The following UGGT2 variants were observed in gnomAD, a reference collection of about 807,000 sequenced individuals.
The protein encoded by UGGT2 is UDP-glucose:glycoprotein glucosyltransferase 2.
UGGT2 carries 180 observed loss-of-function variants against 192.1 expected under a neutral mutation model. The ratio of observed to expected loss-of-function variants is 0.94; its 90% CI spans 0.83 to 1.06. The LOEUF is 1.06. Ranked by LOEUF, UGGT2 falls within the 50% of genes least tolerant of loss-of-function variation. The pLI is 0.00. For missense variants in UGGT2, 1,849 were observed against 1,795.7 expected (o/e 1.03, Z -0.54); for synonymous variants, 580 against 591.0 (o/e 0.98, Z 0.27).
intron 2 of UGGT2, 62 bp from the exon 3 acceptor site, chr13:96,023,821 C>T (rs1309483048): frequency 1.5e-6 from 2 of 1,336,780 alleles, no homozygotes; most frequent in Admixed American, 4.3e-5. Flanking sequence ...ATTGGCACAT[C>T]TTCCACTGTA....
At chr13:95,833,192 G>C in intron 37 of UGGT2, 139 bp from the exon 38 acceptor site, 1 of 862,018 alleles carries the variant, frequency 1.2e-6, no homozygotes, top group East Asian at 2.8e-5. Flanking sequence ...ATACACACAG[G>C]ATCAGGTGAA....
At chr13:95,848,921 C>T (rs1888743257) in intron 36 of UGGT2, among the ~76,000 whole-genome samples, 1 of 152,098 alleles carries the variant, frequency 6.6e-6, no homozygotes, top group African/African-American at 2.4e-5. Flanking sequence ...CAGGGAATAC[C>T]TCTTCATGTA....
At chr13:95,988,010 C>G (rs972829334) in intron 8 of UGGT2, among the ~76,000 whole-genome samples, 2 of 152,084 alleles carry the variant, frequency 1.3e-5, no homozygotes, top group East Asian at 3.9e-4. Flanking sequence ...ACCCAGATCC[C>G]TTCCTTGATA....
At chr13:95,988,347 T>C (rs531955444) in intron 8 of UGGT2, among the ~76,000 whole-genome samples, 46 of 152,270 alleles carry the variant, frequency 3.0e-4, no homozygotes, top group African/African-American at 1.1e-3. Flanking sequence ...CAAAATCAGA[T>C]TTTCATTTTA....
chr13:95,878,832 C>T (rs567522299), intron 27 of UGGT2, among the ~76,000 whole-genome samples: 31 of 152,270 alleles, frequency 2.0e-4, no homozygotes, highest in African/African-American at 7.2e-4. Context: ...CATTTGTTTA[C>T]AGCATTTCTT....
chr13:95,938,234 G>T (rs1274421178), intron 16 of UGGT2, among the ~76,000 whole-genome samples: 2 of 152,172 alleles, frequency 1.3e-5, no homozygotes, highest in African/African-American at 4.8e-5. Flanking sequence ...AGTGTTTACA[G>T]GGTGTGAAAT....
At chr13:95,910,521 T>C (rs2048457825) in intron 20 of UGGT2, among the ~76,000 whole-genome samples, 1 of 152,076 alleles carries the variant, frequency 6.6e-6, no homozygotes, top group Non-Finnish European at 1.5e-5. Context: ...AACGGATGAA[T>C]TGAACAAGAA....
chr13:95,900,709 T>C lies in UGGT2; in HGVS notation c.2634+98A>G, dbSNP rs2048080132. The C allele has an allele frequency of 7.6e-6, 10 of 1,320,562 alleles. No homozygotes were observed. In the East Asian group the frequency reaches 2.3e-4, roughly 30 times the overall value. 81.8% of individuals were successfully genotyped at this position (1,320,562 alleles called of 1,614,324 possible). A position where few individuals can be genotyped will look rare whatever the true frequency, so the allele number is the denominator to read the frequency against. On this transcript the variant is annotated intron_variant, in intron 22 of 38. Transcript: ENST00000376747. ...TTCAGCTCATGAACACCGTCCTCTG[T>C]GTGTGTCAGTCACATCAGGGGAATT... is the stretch of plus-strand genomic sequence containing the variant.
chr13:95,964,529 G>A (rs767727201), intron 12 of UGGT2, among the ~76,000 whole-genome samples: 2 of 152,108 alleles, frequency 1.3e-5, no homozygotes, highest in South Asian at 2.1e-4. Flanking sequence ...AAGCCTGTTC[G>A]ATGGGAGAAA....
chr13:95,845,519 G>A (rs1888320909), intron 36 of UGGT2, among the ~76,000 whole-genome samples: 1 of 151,802 alleles, frequency 6.6e-6, no homozygotes, highest in East Asian at 1.9e-4. Flanking sequence ...TCCCAAGGCA[G>A]AAGAATTTTT....
chr13:95,904,273 T>C (rs1215812307), intron 20 of UGGT2, among the ~76,000 whole-genome samples: 2 of 152,086 alleles, frequency 1.3e-5, no homozygotes, highest in Non-Finnish European at 2.9e-5. Flanking sequence ...TACTCTAAAG[T>C]AAAAAAGATA....
In UGGT2 at chr13:96,025,839, T is replaced by C. The variant is rs1046458630; in HGVS notation, c.242-2080A>G. ...AGAAAATAATACTAGAAAATACAGATTAAATTAGAAGGAGCACAAGAGTAA... is the reference window on the plus strand; with the variant it reads ...AGAAAATAATACTAGAAAATACAGACTAAATTAGAAGGAGCACAAGAGTAA... On this transcript the variant is annotated intron_variant, in intron 2 of 38. Transcript: ENST00000376747. Among the ~76,000 whole-genome samples, 3 of 151,672 alleles carry C rather than the reference T, an allele frequency of 2.0e-5. No individual in the cohort carries two copies. The South Asian group carries it at 6.3e-4, about 32-fold the overall frequency.
chr13:96,009,732 C>T (rs562211198), intron 5 of UGGT2, among the ~76,000 whole-genome samples: 1 of 152,238 alleles, frequency 6.6e-6, no homozygotes, highest in South Asian at 2.1e-4. Context: ...TGCTTGAACC[C>T]AAGAGGCGGA....
intron 15 of UGGT2, 79 bp downstream of exon 15, chr13:95,946,958 A>G: frequency 7.4e-7 from 1 of 1,346,538 alleles, no homozygotes; most frequent in Non-Finnish European, 9.9e-7. Flanking sequence ...TGCAAAAATT[A>G]TACATTCTAA....
intron 38 of UGGT2, among the ~76,000 whole-genome samples, chr13:95,823,174 C>T (rs1290843020): frequency 6.6e-6 from 1 of 151,964 alleles, no homozygotes; most frequent in Admixed American, 6.6e-5. Flanking sequence ...TCTCGACTTT[C>T]TTAAATTTAT....
intron 1 of UGGT2, among the ~76,000 whole-genome samples, chr13:96,034,009 G>T (rs901832195): frequency 6.6e-6 from 1 of 152,208 alleles, no homozygotes; most frequent in East Asian, 1.9e-4. Flanking sequence ...TCCATGGACT[G>T]CAGTGAGAAC....
intron 4 of UGGT2, among the ~76,000 whole-genome samples, chr13:96,022,206 G>A (rs1404694528): frequency 6.6e-6 from 1 of 151,940 alleles, no homozygotes; most frequent in Non-Finnish European, 1.5e-5. Context: ...AAAAAAATCT[G>A]GTTGGATTCT....
chr13:95,859,138 T>C lies in UGGT2; in HGVS notation c.3825+453A>G, dbSNP rs1889907089. Among the ~76,000 whole-genome samples, 4 of 152,152 alleles carry C rather than the reference T, an allele frequency of 2.6e-5. No homozygotes were observed. The South Asian group carries it at 6.2e-4, about 24-fold the overall frequency. ...TCTAAATATAAAATGCCTCAGATCA[T>C]GGTGCCCAGCAATCAATACACTACA... On this transcript the variant is annotated intron_variant, in intron 33 of 38. Coordinates refer to ENST00000376747, the MANE Select transcript of UGGT2 (RefSeq NM_020121.4).
chr13:96,036,968 A>G (rs2053023016), intron 1 of UGGT2, among the ~76,000 whole-genome samples: 1 of 152,170 alleles, frequency 6.6e-6, no homozygotes, highest in Non-Finnish European at 1.5e-5. Flanking sequence ...GGCATTTGCA[A>G]TTGTTCACTT....
Sources: gnomAD v4.1 joint callset for allele counts (sites outside exome capture counted in the v4.1 genomes callset) on GRCh38, gnomAD v4.1.1 for gene constraint, MANE v1.5 for transcripts, NCBI Gene and HGNC (gene_info 2026-07-23, HGNC 2026-07-21) for gene names.